Variants in CDH4 observed in about 807,000 individuals in gnomAD.
CDH4 encodes cadherin-4.
In CDH4, 33 loss-of-function variants were observed where a neutral mutation model predicts 86.0. The ratio of observed to expected loss-of-function variants is 0.38; its 90% CI spans 0.29 to 0.51. The LOEUF (loss-of-function observed/expected upper bound fraction) is 0.51, where lower values mean the gene tolerates loss of function less well. Among genes scored for constraint, CDH4 ranks in the 20% least tolerant of loss-of-function variants. The pLI is 0.86. For missense variants in CDH4, 1,114 were observed against 1,307.4 expected, an observed-to-expected ratio of 0.85 and a Z score of 2.28; for synonymous variants, 555 against 549.4, an observed-to-expected ratio of 1.01 and a Z score of -0.14.
In CDH4 at chr20:61,480,689, G is replaced by A. The variant is rs768131739; in HGVS notation, c.169+225752G>A. ...CCCCAAGAGCACTGTGTGGGCATCC[G>A]GGTTGTGCCCTGGTAAGGCGTTGGA... On this transcript the variant is annotated intron_variant, in intron 2 of 15. Coordinates refer to ENST00000614565, the MANE Select transcript of CDH4 (RefSeq NM_001794.5). This position sits in a 1 kb window ranked among gnomAD's most constrained non-coding sequence, Gnocchi z 5.2. Among the ~76,000 whole-genome samples the A allele has an allele frequency of 2.6e-5, 4 of 152,254 alleles. No individual in the cohort carries two copies. Among genetic ancestry groups the A allele is most frequent in the South Asian group, 2.1e-4 (1 of 4,834 alleles).
chr20:61,579,476 A>G (rs1028864056), intron 2 of CDH4, among the ~76,000 whole-genome samples: 5 of 151,986 alleles, frequency 3.3e-5, no homozygotes, highest in African/African-American at 7.2e-5. Flanking sequence ...TAGTAGAGGC[A>G]GGGTTTCGCC....
rs1333317509 is a variant in CDH4 at position 61,565,233 on chromosome 20, G to GTCCTCTTGGTGATGGGGTGA, written c.170-178329_170-178328insCCTCTTGGTGATGGGGTGAT. Among the ~76,000 whole-genome samples, 60 of 46,752 alleles carry GTCCTCTTGGTGATGGGGTGA rather than the reference G, an allele frequency of 1.3e-3. 8 individuals carry two copies. Among genetic ancestry groups the GTCCTCTTGGTGATGGGGTGA allele is most frequent in the Non-Finnish European group, 1.7e-3 (41 of 24,292 alleles). The allele number at this position is 46,752 out of a possible 152,430, so 30.7% of individuals were successfully genotyped here. ...GTGCTCTCGGTGGTAGGTGGTGGTG[G>GTCCTCTTGGTGATGGGGTGA]TGGTGGTGGCGGTGCTCTTGGTGAT... On this transcript the variant is annotated intron_variant, in intron 2 of 15. Transcript: ENST00000614565.
intron 2 of CDH4, among the ~76,000 whole-genome samples, chr20:61,462,207 T>G (rs2085447902): frequency 6.6e-6 from 1 of 152,334 alleles, no homozygotes; most frequent in African/African-American, 2.4e-5. Context: ...AAAATCTTGT[T>G]ACAGGTTTGA....
At chr20:61,873,976 G>C in intron 7 of CDH4, 76 bp downstream of exon 7, 1 of 1,519,296 alleles carries the variant, frequency 6.6e-7, no homozygotes, top group Non-Finnish European at 9.0e-7. Flanking sequence ...CCCTCGGGGA[G>C]CCTCTCCAGT....
chr20:61,627,851 C>G (rs752594302), intron 2 of CDH4, among the ~76,000 whole-genome samples: 33 of 152,060 alleles, frequency 2.2e-4, no homozygotes, highest in South Asian at 4.2e-4. Flanking sequence ...TCTAGCCCTT[C>G]GTCCTTTCTC....
At chr20:61,654,670 T>C (rs1474584427) in intron 2 of CDH4, among the ~76,000 whole-genome samples, 1 of 152,228 alleles carries the variant, frequency 6.6e-6, no homozygotes, top group African/African-American at 2.4e-5. Context: ...TAAAAATGTT[T>C]ACAAAGGAAA....
intron 2 of CDH4, among the ~76,000 whole-genome samples, chr20:61,585,296 G>A (rs1383748969): frequency 6.6e-6 from 1 of 152,164 alleles, no homozygotes; most frequent in African/African-American, 2.4e-5. Flanking sequence ...TTTGACCTTG[G>A]GGAAGCCCTT....
intron 2 of CDH4, among the ~76,000 whole-genome samples, chr20:61,583,158 CAGAGGGCTCTGCGG>C: frequency 1.2e-5 from 1 of 84,410 alleles, no homozygotes; most frequent in Non-Finnish European, 2.6e-5. Context: ...TGCGGAGGGA[CAGAGGGCTCTGCGG>C]GGGGGACAGA....
At chr20:61,628,188 G>T (rs769212480) in intron 2 of CDH4, among the ~76,000 whole-genome samples, 1 of 152,120 alleles carries the variant, frequency 6.6e-6, no homozygotes, top group Admixed American at 6.5e-5. Context: ...TCACATGTGC[G>T]GTTTCCCCTT....
At chr20:61,734,577 A>C (rs2088237230) in intron 2 of CDH4, among the ~76,000 whole-genome samples, 2 of 150,078 alleles carry the variant, frequency 1.3e-5, no homozygotes, top group Non-Finnish European at 3.0e-5. Flanking sequence ...GCAGGGATTC[A>C]ATAAGGGTGT....
At chr20:61,253,114 C>T (rs1020874844) in intron 1 of CDH4, among the ~76,000 whole-genome samples, 3 of 151,558 alleles carry the variant, frequency 2.0e-5, no homozygotes, top group African/African-American at 7.2e-5. Context: ...TGGGTGCCGG[C>T]AGGACCCGCG....
At chr20:61,311,443 T>C (rs2084445150) in intron 2 of CDH4, among the ~76,000 whole-genome samples, 1 of 152,184 alleles carries the variant, frequency 6.6e-6, no homozygotes, top group Non-Finnish European at 1.5e-5. Context: ...AGATGTAATA[T>C]AGACTGGTGA....
intron 2 of CDH4, among the ~76,000 whole-genome samples, chr20:61,360,984 C>T (rs1054361273): frequency 4.0e-5 from 6 of 151,458 alleles, no homozygotes; most frequent in Non-Finnish European, 5.9e-5. Flanking sequence ...CCTGAGAGAA[C>T]GCAGAGAATC....
intron 2 of CDH4, among the ~76,000 whole-genome samples, chr20:61,280,803 G>A (rs533292142): frequency 8.7e-4 from 133 of 152,262 alleles, no homozygotes; most frequent in African/African-American, 3.1e-3. Context: ...CCTCCCTGGT[G>A]GGGGGTTTCG....
intron 2 of CDH4, among the ~76,000 whole-genome samples, chr20:61,537,366 C>G (rs2086004819): frequency 6.6e-6 from 1 of 152,192 alleles, no homozygotes; most frequent in Non-Finnish European, 1.5e-5. Flanking sequence ...AACCAGGTAT[C>G]CCTGCCCTGA....
intron 2 of CDH4, among the ~76,000 whole-genome samples, chr20:61,633,513 C>CCTATCTGT (rs1245843161): frequency 2.6e-5 from 4 of 152,238 alleles, no homozygotes; most frequent in Admixed American, 2.6e-4. Context: ...TATCCTTCCA[C>CCTATCTGT]CTATCTGTCC....
At chr20:61,473,793 A>G (rs1187376705) in intron 2 of CDH4, among the ~76,000 whole-genome samples, 1 of 152,040 alleles carries the variant, frequency 6.6e-6, no homozygotes, top group Non-Finnish European at 1.5e-5. Flanking sequence ...ACACTCAGAC[A>G]CTCACAGACG....
intron 2 of CDH4, among the ~76,000 whole-genome samples, chr20:61,530,205 T>C (rs1357497031): frequency 6.6e-6 from 1 of 152,078 alleles, no homozygotes; most frequent in Admixed American, 6.5e-5. Context: ...CTAATTTTTG[T>C]ATTTTAGTAG....
At chr20:61,696,359 G>C (rs753501176) in intron 2 of CDH4, among the ~76,000 whole-genome samples, 1 of 152,248 alleles carries the variant, frequency 6.6e-6, no homozygotes, top group Non-Finnish European at 1.5e-5. Context: ...GGGCGCAGGA[G>C]GAACTGGGAG....
Sources: allele counts gnomAD v4.1 joint callset (sites outside exome capture counted in the v4.1 genomes callset), GRCh38; gene constraint gnomAD v4.1.1; non-coding constraint Gnocchi (gnomAD v3.1); transcripts MANE v1.5; gene names NCBI Gene and HGNC (gene_info 2026-07-23, HGNC 2026-07-21).